Variants in UBE2K observed in about 807,000 individuals in gnomAD.
UBE2K encodes ubiquitin conjugating enzyme E2 K.
In UBE2K, 6 loss-of-function variants were observed where a neutral mutation model predicts 30.0. The observed-to-expected ratio is 0.20, with a 90% CI of 0.11 to 0.39. The LOEUF (loss-of-function observed/expected upper bound fraction) is 0.39, where lower values mean the gene tolerates loss of function less well. Among genes scored for constraint, UBE2K ranks in the 10% least tolerant of loss-of-function variants. The pLI is 1.00. For synonymous variants in UBE2K, 86 were observed against 83.7 expected (o/e 1.03, Z -0.15); for missense variants, 61 against 241.6 (o/e 0.25, Z 4.96).
intron 4 of UBE2K, among the ~76,000 whole-genome samples, chr4:39,767,943 T>G (rs902056697): frequency 1.3e-5 from 2 of 152,226 alleles, no homozygotes; most frequent in African/African-American, 4.8e-5. Flanking sequence ...ATTGGAAAAT[T>G]AAATAGTGCA....
chr4:39,719,891 T>G (rs1209216853), intron 1 of UBE2K, among the ~76,000 whole-genome samples: 1 of 152,244 alleles, frequency 6.6e-6, no homozygotes, highest in African/African-American at 2.4e-5. Context: ...GAATTTTGAG[T>G]GTATATCTCT....
rs375810667 is a variant in UBE2K at position 39,700,572 on chromosome 4, ATTG to A, written c.63+2185_63+2187del. Among the ~76,000 whole-genome samples, 152 of 152,272 alleles carry A rather than the reference ATTG, an allele frequency of 1.0e-3. 3 individuals carry two copies. The South Asian group carries it at 0.029, about 29-fold the overall frequency. ...TTAGTAGCCCCAGTTCTATAAGTGT[ATTG>A]TTATTTTCAACTCATTGAAGACTTG... is the stretch of plus-strand genomic sequence containing the variant. On this transcript the variant is annotated intron_variant, in intron 1 of 6. Transcript: ENST00000261427.
chr4:39,739,748 C>T (rs1299095086), intron 2 of UBE2K, among the ~76,000 whole-genome samples: 1 of 151,964 alleles, frequency 6.6e-6, no homozygotes, highest in Non-Finnish European at 1.5e-5. Context: ...CCGCACCCAG[C>T]CCATTTTTTT....
intron 4 of UBE2K, among the ~76,000 whole-genome samples, chr4:39,772,918 C>T (rs1438467878): frequency 6.6e-6 from 1 of 151,778 alleles, no homozygotes; most frequent in African/African-American, 2.4e-5. Context: ...GAACTCCTGA[C>T]CTCAGATGAT....
intron 3 of UBE2K, among the ~76,000 whole-genome samples, chr4:39,746,637 C>A (rs1721002904): frequency 6.6e-6 from 1 of 152,192 alleles, no homozygotes; most frequent in Non-Finnish European, 1.5e-5. Context: ...CCACTCTAAT[C>A]TTCTACCACT....
At chr4:39,747,370 C>T (rs992308382) in intron 3 of UBE2K, among the ~76,000 whole-genome samples, 2 of 152,206 alleles carry the variant, frequency 1.3e-5, no homozygotes, top group Admixed American at 6.5e-5. Context: ...TCCCCGCTCC[C>T]AGCTTCTGGT....
At chr4:39,750,802 G>A (rs1016233773) in intron 3 of UBE2K, among the ~76,000 whole-genome samples, 2 of 150,364 alleles carry the variant, frequency 1.3e-5, no homozygotes, top group Non-Finnish European at 3.0e-5. Context: ...CTGGAGTACA[G>A]TGGCATGATC....
At chr4:39,699,469 C>T (rs1408435211) in intron 1 of UBE2K, among the ~76,000 whole-genome samples, 2 of 152,138 alleles carry the variant, frequency 1.3e-5, no homozygotes, top group East Asian at 1.9e-4. Flanking sequence ...ATTTGTACTA[C>T]GTTTATTTAT....
At chr4:39,752,498 G>A (rs557258361) in intron 3 of UBE2K, among the ~76,000 whole-genome samples, 42 of 151,900 alleles carry the variant, frequency 2.8e-4, no homozygotes, top group Middle Eastern at 3.4e-3. Flanking sequence ...CACCGCGCCC[G>A]GCTAATTTTT....
chr4:39,774,799 T>TCTTA (rs774345640), intron 4 of UBE2K, 35 bp from the exon 5 acceptor site: 2 of 1,381,020 alleles, frequency 1.4e-6, no homozygotes, highest in Non-Finnish European at 1.9e-6. Flanking sequence ...TGCAGAGCCC[T>TCTTA]CTTAATTGGG....
At chr4:39,716,278 A>G (rs28668414) in intron 1 of UBE2K, among the ~76,000 whole-genome samples, 2,933 of 137,082 alleles carry the variant, frequency 0.021, 101 homozygotes, top group African/African-American at 0.069. Context: ...CTGTCTGTCT[A>G]TCTATCATCC....
intron 1 of UBE2K, among the ~76,000 whole-genome samples, chr4:39,731,397 T>C (rs1489099300): frequency 6.6e-6 from 1 of 151,892 alleles, no homozygotes; most frequent in Non-Finnish European, 1.5e-5. Context: ...GCCATAAGCT[T>C]CAGAAAACAC....
intron 4 of UBE2K, chr4:39,771,096 G>A: frequency 1.2e-6 from 2 of 1,612,578 alleles, no homozygotes; most frequent in African/African-American, 1.3e-5. Flanking sequence ...TCTCCACCAC[G>A]TGCTCCATCT....
At chr4:39,714,760 A>T (rs1268651411) in intron 1 of UBE2K, among the ~76,000 whole-genome samples, 3 of 150,762 alleles carry the variant, frequency 2.0e-5, no homozygotes, top group African/African-American at 7.3e-5. Flanking sequence ...CATGTTGGCC[A>T]GGATGGTCTC....
Position 39,712,940 on chromosome 4 carries a change from G to A in UBE2K, c.63+14550G>A, listed in dbSNP as rs1718796776. Among the ~76,000 whole-genome samples, 9 of 150,160 alleles carry A rather than the reference G, an allele frequency of 6.0e-5. No homozygotes were observed. The South Asian group carries it at 1.7e-3, about 28-fold the overall frequency. On this transcript the variant is annotated intron_variant, in intron 1 of 6. Coordinates refer to ENST00000261427, the MANE Select transcript of UBE2K (RefSeq NM_005339.5). ...GAGTGCCGTGGCGCGATCTTGGCTCGCTGCAACCTCTGCCTCCTGGGTTCA... is the reference window on the plus strand; with the variant it reads ...GAGTGCCGTGGCGCGATCTTGGCTCACTGCAACCTCTGCCTCCTGGGTTCA...
At chr4:39,750,398 G>A (rs1196042052) in intron 3 of UBE2K, among the ~76,000 whole-genome samples, 1 of 152,140 alleles carries the variant, frequency 6.6e-6, no homozygotes, top group African/African-American at 2.4e-5. Context: ...GATAATTTAA[G>A]AATAGTTTCC....
At chr4:39,764,858 T>C (rs1712208721) in intron 4 of UBE2K, among the ~76,000 whole-genome samples, 1 of 150,972 alleles carries the variant, frequency 6.6e-6, no homozygotes, top group East Asian at 2.0e-4. Context: ...GTATTTATAA[T>C]AAGGATTTTT....
rs554590249 is a variant in UBE2K at position 39,754,580 on chromosome 4, G to A, written c.217-1077G>A. On this transcript the variant is annotated intron_variant, in intron 3 of 6. Coordinates refer to ENST00000261427, the MANE Select transcript of UBE2K (RefSeq NM_005339.5). ...GGCTGTAGTACAGTGGCACGATCAC[G>A]GCTTGCTGCAGCTCAACCTTTCAGA... Among the ~76,000 whole-genome samples, 25 of 152,216 alleles carry A rather than the reference G, an allele frequency of 1.6e-4. 1 individual carries two copies. The South Asian group carries it at 4.8e-3, about 29-fold the overall frequency.
intron 1 of UBE2K, among the ~76,000 whole-genome samples, chr4:39,736,504 TAA>T (rs1235018579): frequency 6.6e-6 from 1 of 152,190 alleles, no homozygotes; most frequent in African/African-American, 2.4e-5. Flanking sequence ...GATTTTGGTT[TAA>T]AAAATCGAGA....
Sources: allele counts gnomAD v4.1 joint callset (sites outside exome capture counted in the v4.1 genomes callset), GRCh38; gene constraint gnomAD v4.1.1; transcripts MANE v1.5; gene names NCBI Gene and HGNC (gene_info 2026-07-23, HGNC 2026-07-21).